FBXL18: variants seen among roughly 807,000 people sequenced by gnomAD.
FBXL18 encodes F-box and leucine rich repeat protein 18.
Under a neutral mutation model 46.0 loss-of-function variants are expected in FBXL18, and 36 were observed. The observed-to-expected ratio is 0.78, with a 90% CI of 0.60 to 1.03. FBXL18 has a LOEUF of 1.03. Ranked by LOEUF, FBXL18 falls within the 50% of genes least tolerant of loss-of-function variation. FBXL18 has a pLI of 0.00. For synonymous variants in FBXL18, 557 were observed against 465.3 expected, an observed-to-expected ratio of 1.20 and a Z score of -2.54; for missense variants, 977 against 1,004.1, an observed-to-expected ratio of 0.97 and a Z score of 0.36.
At chr7:5,497,252 T>G (rs1019519886) in intron 3 of FBXL18, among the ~76,000 whole-genome samples, 1 of 151,966 alleles carries the variant, frequency 6.6e-6, no homozygotes, top group Non-Finnish European at 1.5e-5. Flanking sequence ...GCGTCAAATT[T>G]CTAAAGCAGG....
At chr7:5,463,741 T>TTTTTTTTA (rs1562672354) in intron 4 of FBXL18, among the ~76,000 whole-genome samples, 1 of 46,204 alleles carries the variant, frequency 2.2e-5, no homozygotes, top group African/African-American at 6.4e-5. Flanking sequence ...TTTTTTTTTT[T>TTTTTTTTA]TTTTTTTTTT....
At chr7:5,469,715 T>C (rs1173933601) in intron 4 of FBXL18, among the ~76,000 whole-genome samples, 1 of 151,658 alleles carries the variant, frequency 6.6e-6, no homozygotes, top group African/African-American at 2.4e-5. Flanking sequence ...TCCGTGTAAG[T>C]AGAGTGCGTG....
Position 5,455,629 on chromosome 7 carries a change from C to T in FBXL18, c.2001-7786G>A, listed in dbSNP as rs1038687885. Reference sequence around the variant, plus strand: ...GGCGCCAAGTCGGTCCTGAGAAGATCCTCCGGGATTGCTGACCATCCACTT... The same window carrying T: ...GGCGCCAAGTCGGTCCTGAGAAGATTCTCCGGGATTGCTGACCATCCACTT... On this transcript the variant is annotated intron_variant and NMD_transcript_variant, in intron 4 of 6. Coordinates refer to the FBXL18 transcript ENST00000415009. The surrounding 1 kb of genome is among the most constrained non-coding windows in gnomAD (Gnocchi z 4.6). 6.6e-6 allele frequency among the ~76,000 whole-genome samples: 1 copy of T among 152,114 alleles called. No individual in the cohort carries two copies. Among genetic ancestry groups the T allele is most frequent in the Non-Finnish European group, 1.5e-5 (1 of 68,016 alleles).
intron 3 of FBXL18, among the ~76,000 whole-genome samples, chr7:5,495,109 G>T (rs916679258): frequency 6.6e-6 from 1 of 152,180 alleles, no homozygotes; most frequent in Non-Finnish European, 1.5e-5. Context: ...GGAGGATGGG[G>T]ACGAGGAAAA....
At chr7:5,475,129 G>A (rs1783489151), downstream of FBXL18, among the ~76,000 whole-genome samples, 1 of 151,154 alleles carries the variant, frequency 6.6e-6, no homozygotes. This position sits in a 1 kb window ranked among gnomAD's most constrained non-coding sequence, Gnocchi z 4.2. Flanking sequence ...GACCAGCCTG[G>A]TCAACATGGC....
chr7:5,504,815 C>T (rs574083228), intron 2 of FBXL18, among the ~76,000 whole-genome samples: 52 of 142,660 alleles, frequency 3.6e-4, no homozygotes, highest in African/African-American at 1.3e-3. Flanking sequence ...ACTCGGGAGG[C>T]TGAGGCAGGA....
rs1290887789 is a variant in FBXL18 at position 5,478,348 on chromosome 7, AAAGG to A, written c.*3423_*3426del. The A allele has an allele frequency of 6.6e-6, 1 of 152,292 alleles. No individual in the cohort carries two copies. Among genetic ancestry groups the A allele is most frequent in the Non-Finnish European group, 1.5e-5 (1 of 68,088 alleles). 9.4% of individuals were successfully genotyped at this position (152,292 alleles called of 1,614,324 possible). The stretch of plus-strand genomic sequence containing the variant: ...AAACAAGAAAAGCCTTCCATAGCAG[AAAGG>A]AGTACTCAAGGCCCAGAAAGGCAGC... On this transcript the variant is annotated 3_prime_UTR_variant, in exon 5 of 5. Coordinates refer to ENST00000382368, the MANE Select transcript of FBXL18 (RefSeq NM_024963.6).
chr7:5,495,257 G>C (rs1339968739), intron 3 of FBXL18, among the ~76,000 whole-genome samples: 1 of 152,170 alleles, frequency 6.6e-6, no homozygotes, highest in African/African-American at 2.4e-5. Flanking sequence ...CTCCCATCTG[G>C]CCACCCACTG....
At chr7:5,484,282 A>T (rs1405492413) in intron 4 of FBXL18, among the ~76,000 whole-genome samples, 3 of 151,986 alleles carry the variant, frequency 2.0e-5, no homozygotes, top group Non-Finnish European at 2.9e-5. Flanking sequence ...CCTGGCTAAC[A>T]CGGTGAAACC....
At chr7:5,492,642 G>A (rs1187214172) in intron 3 of FBXL18, among the ~76,000 whole-genome samples, 1 of 152,062 alleles carries the variant, frequency 6.6e-6, no homozygotes, top group Non-Finnish European at 1.5e-5. Context: ...GTTAAGAGGA[G>A]GATGCATCCT....
intron 3 of FBXL18, among the ~76,000 whole-genome samples, chr7:5,493,981 T>C (rs1476101987): frequency 2.0e-5 from 3 of 150,970 alleles, no homozygotes; most frequent in Non-Finnish European, 4.4e-5. Context: ...ATACAAAAAT[T>C]AGCCAGGCAG....
intron 4 of FBXL18, among the ~76,000 whole-genome samples, chr7:5,468,997 G>A (rs77034345): frequency 8.4e-6 from 1 of 119,008 alleles, no homozygotes; most frequent in Non-Finnish European, 1.8e-5. Context: ...TGTGTGAATT[G>A]AGAGTGTGTG....
chr7:5,468,095 G>A (rs1020282141), intron 4 of FBXL18, among the ~76,000 whole-genome samples: 1 of 151,356 alleles, frequency 6.6e-6, no homozygotes, highest in East Asian at 1.9e-4. Context: ...CAATTCTCCT[G>A]CCTCAGTCTC....
At chr7:5,459,306 TA>T (rs1433096105) in intron 4 of FBXL18, among the ~76,000 whole-genome samples, 1 of 151,880 alleles carries the variant, frequency 6.6e-6, no homozygotes, top group Non-Finnish European at 1.5e-5. Flanking sequence ...AAGTAATCAA[TA>T]AATAGCACAA....
Position 5,501,940 on chromosome 7 carries a change from G to T in FBXL18, c.329C>A (p.Ser110Tyr). Residue 110 changes from serine (S) to tyrosine (Y), a missense_variant, in exon 3 of 5, where the codon TCC becomes TAC. Transcript: ENST00000382368. ...SMAGCYWLPG[S>Y]TVEHVARCRS... is the part of the protein sequence containing the mutation. ...GCAGCGGGCCACGTGTTCCACGGTG[G>T]AGCCAGGCAGCCAGTAGCAGCCAGC... The T allele has an allele frequency of 6.2e-7, 1 of 1,604,932 alleles. No individual in the cohort carries two copies. The highest frequency in any genetic ancestry group is 8.5e-7 in the Non-Finnish European group (1 of 1,176,928).
At chr7:5,511,403 AC>A (rs1186763819) in intron 1 of FBXL18, among the ~76,000 whole-genome samples, 2 of 151,562 alleles carry the variant, frequency 1.3e-5, no homozygotes, top group African/African-American at 2.4e-5. Context: ...ACATGGAGAA[AC>A]CCCGTCTCTA....
chr7:5,499,237 C>A (rs1475260843), intron 3 of FBXL18, among the ~76,000 whole-genome samples: 1 of 152,156 alleles, frequency 6.6e-6, no homozygotes, highest in Non-Finnish European at 1.5e-5. Context: ...AGGCTGCTCC[C>A]TCTCCCGGGT....
rs373862747 is a variant in FBXL18 at position 5,488,905 on chromosome 7, C to A, written c.2000+2326G>T. Among the ~76,000 whole-genome samples, 39 of 152,344 alleles carry A rather than the reference C, an allele frequency of 2.6e-4. No homozygotes were observed. In the East Asian group the frequency reaches 4.2e-3, roughly 17 times the overall value. On this transcript the variant is annotated intron_variant, in intron 4 of 4. Coordinates refer to ENST00000382368, the MANE Select transcript of FBXL18 (RefSeq NM_024963.6). ...GTTCCCAAGCCCACTCGACTAAGCC[C>A]TTTGGAGCCTGTGACCCACTCAGCC...
intron 3 of FBXL18, among the ~76,000 whole-genome samples, chr7:5,494,456 T>C (rs1367587769): frequency 1.3e-5 from 2 of 152,042 alleles, no homozygotes; most frequent in South Asian, 2.1e-4. Flanking sequence ...ATAAATAAAA[T>C]TAAATAAATA....
Sources: gnomAD v4.1 joint callset for allele counts (sites outside exome capture counted in the v4.1 genomes callset) on GRCh38, gnomAD v4.1.1 for gene constraint, Gnocchi (gnomAD v3.1) non-coding constraint, MANE v1.5 for transcripts, NCBI Gene and HGNC (gene_info 2026-07-23, HGNC 2026-07-21) for gene names.